Variants in SUMF1 observed in about 807,000 individuals in gnomAD.
SUMF1 encodes formylglycine-generating enzyme.
SUMF1 carries 48 observed loss-of-function variants against 47.6 expected under a neutral mutation model. That is an observed-to-expected ratio of 1.01 (90% CI 0.80 to 1.28). The LOEUF is 1.28. Ranked by LOEUF, SUMF1 falls within the 50% of genes most tolerant of loss-of-function variation. SUMF1 has a pLI of 0.00. For synonymous variants in SUMF1, 230 were observed against 192.1 expected, an observed-to-expected ratio of 1.20 and a Z score of -1.63; for missense variants, 571 against 485.4, an observed-to-expected ratio of 1.18 and a Z score of -1.66.
At chr3:4,224,233 G>T (rs1454626581) in intron 8 of SUMF1, among the ~76,000 whole-genome samples, 1 of 152,110 alleles carries the variant, frequency 6.6e-6, no homozygotes, top group Non-Finnish European at 1.5e-5. Flanking sequence ...AGGTAGGTTA[G>T]TTTCGCATTA....
intron 8 of SUMF1, among the ~76,000 whole-genome samples, chr3:4,134,248 C>G (rs534810682): frequency 6.6e-6 from 1 of 152,042 alleles, no homozygotes; most frequent in Admixed American, 6.6e-5. Flanking sequence ...TGTAAAAGAA[C>G]AGAAATTATA....
In SUMF1 at chr3:4,104,616, G is replaced by C. The variant is rs370165231; in HGVS notation, c.1015-35871C>G. Reference sequence around the variant, plus strand: ...CACCCTGCTGGGCCACCTCAGGTTGGTGTCCTGTACTAAAGGTGGAGGATC... The same window carrying C: ...CACCCTGCTGGGCCACCTCAGGTTGCTGTCCTGTACTAAAGGTGGAGGATC... On this transcript the variant is annotated intron_variant and NMD_transcript_variant, in intron 8 of 12. Transcript: ENST00000448413. 1.2e-4 allele frequency among the ~76,000 whole-genome samples: 18 copies of C among 152,000 alleles called. No individual in the cohort carries two copies. The East Asian group carries it at 2.1e-3, about 18-fold the overall frequency.
chr3:4,127,818 G>T (rs1208873978), intron 8 of SUMF1, among the ~76,000 whole-genome samples: 1 of 152,088 alleles, frequency 6.6e-6, no homozygotes, highest in Admixed American at 6.6e-5. Flanking sequence ...GGTTTCTGGA[G>T]TTGGCTGCTT....
At chr3:4,085,415 C>T (rs941183594) in intron 8 of SUMF1, among the ~76,000 whole-genome samples, 4 of 151,958 alleles carry the variant, frequency 2.6e-5, no homozygotes, top group Admixed American at 6.6e-5. Context: ...AGAGCTTCCA[C>T]CAGTGATGAT....
intron 9 of SUMF1, among the ~76,000 whole-genome samples, chr3:4,066,191 G>A (rs1167839744): frequency 6.6e-6 from 1 of 150,992 alleles, no homozygotes; most frequent in East Asian, 1.9e-4. Flanking sequence ...ATCATTTACT[G>A]TTATTTTTAA....
chr3:4,086,655 T>C (rs1303976772), intron 8 of SUMF1, among the ~76,000 whole-genome samples: 1 of 152,078 alleles, frequency 6.6e-6, no homozygotes, highest in Non-Finnish European at 1.5e-5. Flanking sequence ...ACTAGAAGTA[T>C]GGTATGGTTT....
chr3:4,088,933 G>A (rs1473182923), intron 8 of SUMF1, among the ~76,000 whole-genome samples: 2 of 152,088 alleles, frequency 1.3e-5, no homozygotes, highest in African/African-American at 4.8e-5. Context: ...ATGGACAAAT[G>A]AATGTAGCAA....
At chr3:4,420,776 T>C (rs554614458) in intron 3 of SUMF1, among the ~76,000 whole-genome samples, 1 of 152,216 alleles carries the variant, frequency 6.6e-6, no homozygotes, top group African/African-American at 2.4e-5. Context: ...GCTGCTCCTA[T>C]TTAAAAGATG....
intron 8 of SUMF1, among the ~76,000 whole-genome samples, chr3:4,072,145 G>T (rs1226155458): frequency 6.6e-6 from 1 of 152,138 alleles, no homozygotes; most frequent in Non-Finnish European, 1.5e-5. Context: ...TGATACCCAG[G>T]AAAACAGGGT....
intron 7 of SUMF1, among the ~76,000 whole-genome samples, chr3:4,398,331 C>G (rs906234464): frequency 2.0e-5 from 3 of 151,966 alleles, no homozygotes; most frequent in African/African-American, 7.3e-5. Flanking sequence ...CAGAAGTATA[C>G]CCTTACATAA....
At chr3:4,272,007 CTTCT>C (rs150993827) in intron 8 of SUMF1, among the ~76,000 whole-genome samples, 22 of 152,244 alleles carry the variant, frequency 1.4e-4, no homozygotes, top group African/African-American at 5.1e-4. Context: ...TAATTAAATT[CTTCT>C]TTATCTCACT....
chr3:4,327,939 C>T (rs1471419811), intron 8 of SUMF1, among the ~76,000 whole-genome samples: 3 of 152,180 alleles, frequency 2.0e-5, no homozygotes, highest in Non-Finnish European at 2.9e-5. Context: ...AAAACCACTG[C>T]ACTCAGCAGC....
At chr3:4,153,850 T>C (rs891253697) in intron 8 of SUMF1, among the ~76,000 whole-genome samples, 1 of 151,604 alleles carries the variant, frequency 6.6e-6, no homozygotes, top group East Asian at 1.9e-4. Flanking sequence ...TAAAGAAATA[T>C]ATTTTTAAGT....
intron 8 of SUMF1, among the ~76,000 whole-genome samples, chr3:4,280,831 G>A (rs1446519232): frequency 8.8e-5 from 3 of 34,058 alleles, no homozygotes; most frequent in South Asian, 8.9e-4. Context: ...GTGTGTGTGT[G>A]TGTGTGTGTG....
intron 8 of SUMF1, among the ~76,000 whole-genome samples, chr3:4,085,343 G>C (rs1017874421): frequency 2.6e-5 from 4 of 152,124 alleles, no homozygotes; most frequent in South Asian, 4.2e-4. Context: ...CTAGAGTTTT[G>C]GTTTTGCTGA....
chr3:4,276,526 A>G (rs1697420867), intron 8 of SUMF1, among the ~76,000 whole-genome samples: 1 of 152,128 alleles, frequency 6.6e-6, no homozygotes, highest in Non-Finnish European at 1.5e-5. Context: ...TCCACCACTC[A>G]TTGGATGGTG....
At chr3:4,410,824 T>C (rs1386106685) in intron 7 of SUMF1, 41 bp downstream of exon 7, 1 of 1,572,852 alleles carries the variant, frequency 6.4e-7, no homozygotes. Context: ...AGAGGACAGA[T>C]GCCACCATTC....
intron 8 of SUMF1, among the ~76,000 whole-genome samples, chr3:4,210,505 C>T (rs569242282): frequency 2.0e-5 from 3 of 152,114 alleles, no homozygotes; most frequent in Non-Finnish European, 4.4e-5. Flanking sequence ...CACTGAAGTT[C>T]AAAGGGGAAA....
intron 8 of SUMF1, among the ~76,000 whole-genome samples, chr3:4,349,812 C>A (rs73018301): frequency 0.12 from 17,846 of 151,940 alleles, 1,362 homozygotes; most frequent in Non-Finnish European, 0.17. Context: ...GAGAGGGGAA[C>A]AACACACACC....
Sources: allele counts gnomAD v4.1 joint callset (sites outside exome capture counted in the v4.1 genomes callset), GRCh38; gene constraint gnomAD v4.1.1; transcripts MANE v1.5; gene names NCBI Gene and HGNC (gene_info 2026-07-23, HGNC 2026-07-21).